Variants in TTC27 observed in about 807,000 individuals in gnomAD.
TTC27 encodes the protein tetratricopeptide repeat protein 27.
Under a neutral mutation model 115.9 loss-of-function variants are expected in TTC27, and 79 were observed. That is an observed-to-expected ratio of 0.68 (90% CI 0.57 to 0.82). The LOEUF (loss-of-function observed/expected upper bound fraction) is 0.82. Ranked by LOEUF, TTC27 falls within the 40% of genes least tolerant of loss-of-function variation. The pLI, the probability that TTC27 is intolerant of heterozygous loss-of-function variation, is 0.00. For missense variants in TTC27, 1,054 were observed against 993.1 expected, an observed-to-expected ratio of 1.06 and a Z score of -0.82; for synonymous variants, 401 against 356.0, an observed-to-expected ratio of 1.13 and a Z score of -1.42.
intron 8 of TTC27, among the ~76,000 whole-genome samples, chr2:32,673,370 G>T (rs546105580): frequency 6.6e-6 from 1 of 151,920 alleles, no homozygotes; most frequent in East Asian, 1.9e-4. Context: ...GATTACAGGC[G>T]CACACCACCA....
chr2:32,750,024 G>A (rs912147959), intron 12 of TTC27, among the ~76,000 whole-genome samples: 2 of 152,212 alleles, frequency 1.3e-5, no homozygotes, highest in African/African-American at 4.8e-5. Context: ...AATGTGAGAA[G>A]AGCTGGGGAA....
intron 9 of TTC27, among the ~76,000 whole-genome samples, chr2:32,679,947 A>G (rs1266320672): frequency 1.3e-5 from 2 of 152,188 alleles, no homozygotes; most frequent in African/African-American, 4.8e-5. Flanking sequence ...GCCACACTGC[A>G]CTTCAGCCTG....
chr2:32,721,088 G>C (rs1021124285), intron 10 of TTC27, among the ~76,000 whole-genome samples: 1 of 152,178 alleles, frequency 6.6e-6, no homozygotes, highest in African/African-American at 2.4e-5. Context: ...TGCCTAATGA[G>C]TGGGTATGGC....
At chr2:32,801,363 T>G (rs1670928074) in intron 16 of TTC27, among the ~76,000 whole-genome samples, 1 of 152,196 alleles carries the variant, frequency 6.6e-6, no homozygotes, top group African/African-American at 2.4e-5. Flanking sequence ...TTTCTGCACC[T>G]TTTCCAGCTT....
intron 13 of TTC27, among the ~76,000 whole-genome samples, chr2:32,771,515 G>T (rs1226212631): frequency 1.3e-5 from 2 of 152,214 alleles, no homozygotes; most frequent in Non-Finnish European, 2.9e-5. Context: ...AGGGCATTCA[G>T]TAATTAATAA....
intron 12 of TTC27, among the ~76,000 whole-genome samples, chr2:32,752,448 G>T (rs1669052646): frequency 6.6e-6 from 1 of 152,194 alleles, no homozygotes; most frequent in African/African-American, 2.4e-5. Flanking sequence ...TAGTCAAGCA[G>T]TTGAGCAAAT....
At chr2:32,684,604 T>C (rs1214176580) in intron 9 of TTC27, among the ~76,000 whole-genome samples, 1 of 152,190 alleles carries the variant, frequency 6.6e-6, no homozygotes, top group Admixed American at 6.5e-5. Flanking sequence ...CTATTGACTT[T>C]AAAGCTATTT....
At chr2:32,708,642 G>C (rs978754685) in intron 10 of TTC27, among the ~76,000 whole-genome samples, 4 of 151,534 alleles carry the variant, frequency 2.6e-5, no homozygotes, top group African/African-American at 9.7e-5. Context: ...TTTATTGTAA[G>C]AATGCAGTAT....
chr2:32,814,319 A>G (rs1167215657), intron 18 of TTC27, among the ~76,000 whole-genome samples: 1 of 152,206 alleles, frequency 6.6e-6, no homozygotes, highest in African/African-American at 2.4e-5. Context: ...ATACTTGGAG[A>G]AAAACAAGTG....
intron 11 of TTC27, among the ~76,000 whole-genome samples, chr2:32,735,663 C>G (rs1052735389): frequency 6.6e-6 from 1 of 152,170 alleles, no homozygotes; most frequent in Non-Finnish European, 1.5e-5. Context: ...CTCTACTTTG[C>G]TACTAACTAG....
At chr2:32,645,705 C>T (rs1051843750) in intron 4 of TTC27, among the ~76,000 whole-genome samples, 1 of 151,910 alleles carries the variant, frequency 6.6e-6, no homozygotes, top group African/African-American at 2.4e-5. Context: ...CCGCCTCCCC[C>T]CAATTTTTTC....
chr2:32,820,137 C>G (rs1671633420), intron 19 of TTC27, among the ~76,000 whole-genome samples: 1 of 152,200 alleles, frequency 6.6e-6, no homozygotes, highest in South Asian at 2.1e-4. Flanking sequence ...TACACAGTCG[C>G]ATGTACACAC....
intron 10 of TTC27, among the ~76,000 whole-genome samples, chr2:32,728,510 C>G (rs1668187641): frequency 6.6e-6 from 1 of 152,176 alleles, no homozygotes; most frequent in Admixed American, 6.5e-5. Context: ...CACACCCTGT[C>G]TCCCATATTT....
At chr2:32,703,119 G>A (rs1667247390) in intron 10 of TTC27, among the ~76,000 whole-genome samples, 199 bp downstream of exon 10, 1 of 152,240 alleles carries the variant, frequency 6.6e-6, no homozygotes, top group Middle Eastern at 3.4e-3. Context: ...CTGTGAACTC[G>A]GTATTTAACC....
At chr2:32,659,077 G>A (rs562773188) in intron 5 of TTC27, among the ~76,000 whole-genome samples, 10 of 151,986 alleles carry the variant, frequency 6.6e-5, no homozygotes, top group African/African-American at 9.7e-5. Context: ...TGATCCTCCC[G>A]TCTCAGCCTC....
intron 10 of TTC27, among the ~76,000 whole-genome samples, chr2:32,723,489 A>T (rs1667991919): frequency 6.6e-6 from 1 of 152,048 alleles, no homozygotes; most frequent in Admixed American, 6.6e-5. Flanking sequence ...GTACACATAG[A>T]ACAGAGGCCA....
At chr2:32,738,176 T>C (rs192150054) in intron 12 of TTC27, among the ~76,000 whole-genome samples, 200 of 152,316 alleles carry the variant, frequency 1.3e-3, no homozygotes, top group African/African-American at 4.4e-3. Flanking sequence ...TAGTATGGCA[T>C]GGTGGCTAAA....
chr2:32,723,512 C>A (rs779461098), intron 10 of TTC27, among the ~76,000 whole-genome samples: 9 of 152,040 alleles, frequency 5.9e-5, no homozygotes, highest in Non-Finnish European at 1.3e-4. Context: ...CGGGTATACA[C>A]CAAGCTCTGG....
rs72860848 is a variant in TTC27 at position 32,719,542 on chromosome 2, T to C, written c.1234-14286T>C. 8.9e-3 allele frequency among the ~76,000 whole-genome samples: 1,352 copies of C among 152,250 alleles called. 13 individuals are homozygous for C. The highest frequency in any genetic ancestry group is 0.031 in the African/African-American group (1,283 of 41,528). On this transcript the variant is annotated intron_variant, in intron 10 of 19. Transcript: ENST00000317907. The stretch of plus-strand genomic sequence containing the variant: ...CTGCATGTGGTCATAAAGAAGAACA[T>C]TGGGCAGGAATGCAGTAGTTTGGGG...
Sources: allele counts gnomAD v4.1 joint callset (sites outside exome capture counted in the v4.1 genomes callset), GRCh38; gene constraint gnomAD v4.1.1; transcripts MANE v1.5; gene names NCBI Gene and HGNC (gene_info 2026-07-23, HGNC 2026-07-21).